DRC11: variants seen among roughly 807,000 people sequenced by gnomAD.
DRC11 encodes the protein dynein regulatory complex subunit 11.
the DRC11 span, chr2:236,493,871 G>T: frequency 1.0e-5 from 16 of 1,603,890 alleles, no homozygotes; most frequent in Non-Finnish European, 1.4e-5. Flanking sequence ...CTTGGGTATG[G>T]GAATATCTAA....
the DRC11 span, among the ~76,000 whole-genome samples, chr2:236,311,707 T>C: frequency 9.9e-5 from 15 of 150,978 alleles, no homozygotes; most frequent in African/African-American, 3.7e-4. The surrounding 1 kb of genome is among the most constrained non-coding windows in gnomAD (Gnocchi z 6.9). Flanking sequence ...CGTGTGTGTG[T>C]GTGTGTGTGT....
the DRC11 span, chr2:236,493,741 T>C: frequency 6.5e-7 from 1 of 1,546,510 alleles, no homozygotes; most frequent in Non-Finnish European, 8.8e-7. Context: ...GATTATGGAT[T>C]AATGTTTGTT....
At chr2:236,425,898 TTCCA>T in the DRC11 span, among the ~76,000 whole-genome samples, 9 of 152,002 alleles carry the variant, frequency 5.9e-5, 1 homozygote, top group African/African-American at 2.2e-4. Flanking sequence ...CTTATCCTTC[TTCCA>T]TTGTGTGTTC....
At chr2:236,312,021 T>C in the DRC11 span, among the ~76,000 whole-genome samples, 1 of 152,190 alleles carries the variant, frequency 6.6e-6, no homozygotes, top group Admixed American at 6.5e-5. Context: ...TTTGTGTTGT[T>C]TTCTATAATA....
At chr2:236,459,616 A>AT in the DRC11 span, among the ~76,000 whole-genome samples, 3 of 130,874 alleles carry the variant, frequency 2.3e-5, 1 homozygote. Context: ...TACGTATATA[A>AT]GTATATACAT....
the DRC11 span, chr2:236,338,351 G>C: frequency 9.0e-4 from 1,458 of 1,613,916 alleles, 12 homozygotes; most frequent in African/African-American, 0.017. Context: ...CAGGATTTGG[G>C]GAAGGTGTTT....
At chr2:236,325,572 G>A in the DRC11 span, among the ~76,000 whole-genome samples, 1 of 151,610 alleles carries the variant, frequency 6.6e-6, no homozygotes, top group East Asian at 1.9e-4. The surrounding 1 kb of genome is among the most constrained non-coding windows in gnomAD (Gnocchi z 4.4). Context: ...TTCTGTAAGT[G>A]GGAAACTCTC....
the DRC11 span, among the ~76,000 whole-genome samples, chr2:236,457,969 T>A: frequency 2.0e-4 from 31 of 152,356 alleles, no homozygotes; most frequent in Middle Eastern, 3.4e-3. The surrounding 1 kb of genome is among the most constrained non-coding windows in gnomAD (Gnocchi z 4.7). Context: ...AGTTAATGTA[T>A]AAAGCACTTC....
the DRC11 span, chr2:236,367,660 C>T: frequency 3.2e-5 from 5 of 157,398 alleles, no homozygotes; most frequent in Admixed American, 3.0e-4. This position sits in a 1 kb window ranked among gnomAD's most constrained non-coding sequence, Gnocchi z 4.8. Flanking sequence ...CCCATCTTTC[C>T]TGCATCGCCT....
chr2:236,452,174 G>T, the DRC11 span, among the ~76,000 whole-genome samples: 1 of 152,192 alleles, frequency 6.6e-6, no homozygotes, highest in African/African-American at 2.4e-5. This position sits in a 1 kb window ranked among gnomAD's most constrained non-coding sequence, Gnocchi z 4.7. Context: ...GAGGTATGGA[G>T]CATTTGGTCA....
the DRC11 span, among the ~76,000 whole-genome samples, chr2:236,357,710 A>G: frequency 1.6e-5 from 2 of 126,696 alleles, no homozygotes; most frequent in East Asian, 4.7e-4. Context: ...ATATGTAAAT[A>G]TGTATTTATA....
At chr2:236,481,024 A>T in the DRC11 span, among the ~76,000 whole-genome samples, 2 of 152,334 alleles carry the variant, frequency 1.3e-5, no homozygotes, top group Admixed American at 1.3e-4. Flanking sequence ...GAAGGTCCCA[A>T]AGGGGATATC....
the DRC11 span, among the ~76,000 whole-genome samples, chr2:236,459,594 C>T: frequency 3.4e-4 from 34 of 98,628 alleles, no homozygotes; most frequent in East Asian, 6.1e-4. Flanking sequence ...TATACGTATA[C>T]GTATACATAT....
At chr2:236,462,650 G>A in the DRC11 span, among the ~76,000 whole-genome samples, 3 of 152,068 alleles carry the variant, frequency 2.0e-5, no homozygotes, top group Non-Finnish European at 4.4e-5. The surrounding 1 kb of genome is among the most constrained non-coding windows in gnomAD (Gnocchi z 6.4). Flanking sequence ...CAGCCTGGGT[G>A]ACACAGCGAG....
At chr2:236,375,335 A>T in the DRC11 span, among the ~76,000 whole-genome samples, 1 of 152,192 alleles carries the variant, frequency 6.6e-6, no homozygotes, top group Non-Finnish European at 1.5e-5. This position sits in a 1 kb window ranked among gnomAD's most constrained non-coding sequence, Gnocchi z 4.2. Context: ...GCACATAGGT[A>T]ATGAGAATCT....
At chr2:236,475,173 T>C in the DRC11 span, among the ~76,000 whole-genome samples, 39 of 152,174 alleles carry the variant, frequency 2.6e-4, no homozygotes, top group Non-Finnish European at 1.5e-5. The surrounding 1 kb of genome is among the most constrained non-coding windows in gnomAD (Gnocchi z 4.8). Flanking sequence ...CAATCTATTC[T>C]GTATCTTCAG....
the DRC11 span, among the ~76,000 whole-genome samples, chr2:236,365,747 G>A: frequency 6.6e-6 from 1 of 152,068 alleles, no homozygotes; most frequent in African/African-American, 2.4e-5. This position sits in a 1 kb window ranked among gnomAD's most constrained non-coding sequence, Gnocchi z 7.4. Flanking sequence ...GGTCCAGGGA[G>A]GCCTCTTCAA....
chr2:236,465,568 A>G, the DRC11 span: 1 of 1,614,000 alleles, frequency 6.2e-7, no homozygotes, highest in South Asian at 1.1e-5. The surrounding 1 kb of genome is among the most constrained non-coding windows in gnomAD (Gnocchi z 6.2). Flanking sequence ...CACGCCTTCT[A>G]TCAACTTTAG....
the DRC11 span, chr2:236,324,757 A>G: frequency 4.3e-3 from 6,842 of 1,604,948 alleles, 248 homozygotes; most frequent in East Asian, 0.095. This position sits in a 1 kb window ranked among gnomAD's most constrained non-coding sequence, Gnocchi z 5.7. Flanking sequence ...CACGTTTTTT[A>G]CCCAGAGGAG....
Sources: gnomAD v4.1 joint callset for allele counts (sites outside exome capture counted in the v4.1 genomes callset) on GRCh38, gnomAD v4.1.1 for gene constraint, Gnocchi (gnomAD v3.1) non-coding constraint, MANE v1.5 for transcripts, NCBI Gene and HGNC (gene_info 2026-07-23, HGNC 2026-07-21) for gene names.